Variants in HDGF observed in about 807,000 individuals in gnomAD.
HDGF encodes the protein heparin binding growth factor, also known as hepatoma-derived growth factor.
A neutral mutation model predicts 30.0 loss-of-function variants in HDGF; 5 were observed. The ratio of observed to expected loss-of-function variants is 0.17; its 90% CI spans 0.09 to 0.35. HDGF has a LOEUF of 0.35. Among genes scored for constraint, HDGF ranks in the 10% least tolerant of loss-of-function variants. HDGF has a pLI of 1.00. For missense variants in HDGF, 214 were observed against 302.8 expected, an observed-to-expected ratio of 0.71 and a Z score of 2.18; for synonymous variants, 133 against 112.7, an observed-to-expected ratio of 1.18 and a Z score of -1.14.
chr1:156,752,444 G>T, upstream of HDGF: 1 of 1,284,626 alleles, frequency 7.8e-7, no homozygotes, highest in Non-Finnish European at 1.1e-6. Flanking sequence ...GATGAGCTCA[G>T]TTCTAGTCGG....
chr1:156,747,887 G>T (rs951028044), intron 1 of HDGF, among the ~76,000 whole-genome samples: 5 of 152,192 alleles, frequency 3.3e-5, no homozygotes, highest in African/African-American at 1.2e-4. Flanking sequence ...AGCTTCCCAT[G>T]GAAAGCACAC....
chr1:156,747,235 T>G (rs865878825), intron 1 of HDGF, among the ~76,000 whole-genome samples: 2 of 18,530 alleles, frequency 1.1e-4, no homozygotes, highest in South Asian at 6.3e-3. Flanking sequence ...TGACCGCCCC[T>G]CCCCCCTCCC....
At chr1:156,757,265 C>A, upstream of HDGF, among the ~76,000 whole-genome samples, 1 of 148,788 alleles carries the variant, frequency 6.7e-6, no homozygotes, top group Non-Finnish European at 1.5e-5. Context: ...AAGTTGAAGA[C>A]CAGCCTGACC....
chr1:156,743,597 G>GA, intron 5 of HDGF, 55 bp downstream of exon 5: 1 of 1,554,626 alleles, frequency 6.4e-7, no homozygotes, highest in Non-Finnish European at 8.9e-7. Flanking sequence ...CCTCTTCTCC[G>GA]AGAGTGGCCG....
upstream of HDGF, chr1:156,752,447 C>A: frequency 1.6e-6 from 2 of 1,289,352 alleles, no homozygotes; most frequent in Non-Finnish European, 1.1e-6. Context: ...GAGCTCAGTT[C>A]TAGTCGGTTA....
chr1:156,764,623 C>G (rs1651318935), intron 1 of HDGF, among the ~76,000 whole-genome samples: 1 of 151,848 alleles, frequency 6.6e-6, no homozygotes. Flanking sequence ...GGATTTATAC[C>G]CAATAAGGTG....
At chr1:156,758,623 A>AT (rs1228619097) in intron 2 of HDGF, among the ~76,000 whole-genome samples, 1 of 149,472 alleles carries the variant, frequency 6.7e-6, no homozygotes, top group Admixed American at 6.7e-5. Context: ...AAATAAATAA[A>AT]AAAAATTAGC....
chr1:156,743,636 C>T lies in HDGF; in HGVS notation c.716+16G>A, dbSNP rs773367050. Reference sequence around the variant, plus strand: ...CCCCCTAGTCCAGCTGCCAAGGGGTCAGGGGGCTCACTCACCTCTCATGAT... The same window carrying T: ...CCCCCTAGTCCAGCTGCCAAGGGGTTAGGGGGCTCACTCACCTCTCATGAT... On this transcript the variant is annotated intron_variant, in intron 5 of 5. Transcript: ENST00000357325. 1.9e-6 allele frequency: 3 copies of T among 1,595,672 alleles called. No homozygotes were observed. The highest frequency in any genetic ancestry group is 3.3e-5 in the Admixed American group (2 of 59,954).
In HDGF at chr1:156,743,768, G is replaced by A. The variant is rs758176712; in HGVS notation, c.600C>T (p.Thr200=). 30 of 1,599,464 alleles carry A rather than the reference G, an allele frequency of 1.9e-5. No homozygotes were observed. Among genetic ancestry groups the A allele is most frequent in the Non-Finnish European group, 2.4e-5 (28 of 1,172,852 alleles). The change falls in exon 5 of 6, where the codon ACC becomes ACT. Residue 200 remains threonine (T), a synonymous_variant. Transcript: ENST00000357325. ...CCCGGCCAGAGCCGGGCTCAGAGGG[G>A]GTGCTATTCTTTTCCACCTCCATAG... ...PLPMEVEKNS[T]PSEPGSGRGP...
At chr1:156,760,337 G>A (rs904944218) in intron 1 of HDGF, among the ~76,000 whole-genome samples, 18 of 152,196 alleles carry the variant, frequency 1.2e-4, no homozygotes, top group African/African-American at 2.9e-4. Flanking sequence ...TCAGGGAGGC[G>A]TGTGGGTGAG....
intron 1 of HDGF, among the ~76,000 whole-genome samples, chr1:156,761,083 G>T (rs1651241980): frequency 6.6e-6 from 1 of 150,836 alleles, no homozygotes; most frequent in Admixed American, 6.6e-5. Flanking sequence ...AGTGGAGGTT[G>T]GGGGGGATCA....
chr1:156,742,645 G>C lies in HDGF; in HGVS notation c.*804C>G, dbSNP rs1254141313. On this transcript the variant is annotated 3_prime_UTR_variant, in exon 6 of 6. Coordinates refer to ENST00000357325, the MANE Select transcript of HDGF (RefSeq NM_004494.3). ...TGAGCACTGTGTGGAGAGGAAAAAG[G>C]ACAGCTAGGAGTCTTCCCAAGCATC... is the stretch of plus-strand genomic sequence containing the variant. The C allele has an allele frequency of 6.5e-6, 1 of 153,174 alleles. No individual in the cohort carries two copies. The highest frequency in any genetic ancestry group is 1.5e-5 in the Non-Finnish European group (1 of 68,206). The allele number at this position is 153,174 out of a possible 1,614,324, so 9.5% of individuals were successfully genotyped here. A position where few individuals can be genotyped will look rare whatever the true frequency, so the allele number is the denominator to read the frequency against.
intron 2 of HDGF, among the ~76,000 whole-genome samples, chr1:156,758,548 G>A (rs1208482251): frequency 2.7e-5 from 4 of 148,120 alleles, no homozygotes; most frequent in Admixed American, 6.9e-5. Context: ...AGCTGAGATC[G>A]CGCCACTGCA....
At chr1:156,744,136 C>A in intron 4 of HDGF, 27 bp downstream of exon 4, 1 of 1,606,778 alleles carries the variant, frequency 6.2e-7, no homozygotes, top group Non-Finnish European at 8.5e-7. Flanking sequence ...TTGAGGGGGG[C>A]CCAGGCCCTG....
At chr1:156,751,810 C>G, upstream of HDGF, 1 of 923,136 alleles carries the variant, frequency 1.1e-6, no homozygotes, top group Non-Finnish European at 1.4e-6. This position sits in a 1 kb window ranked among gnomAD's most constrained non-coding sequence, Gnocchi z 4.7. Flanking sequence ...CCTCCCGCGG[C>G]GGTTTGATGC....
rs1456406950 is a variant in HDGF, at chr1:156,751,441, G to A, written c.-12C>T. On this transcript the variant is annotated 5_prime_UTR_variant, in exon 1 of 6. Coordinates refer to ENST00000357325, the MANE Select transcript of HDGF (RefSeq NM_004494.3). The surrounding 1 kb of genome is among the most constrained non-coding windows in gnomAD (Gnocchi z 4.7). ...TTGGATCGCGACATGGCGGGGCTCC[G>A]GGCGCCCCGGGCTCCGCGCCGGGCC... 4 of 1,549,388 alleles carry A rather than the reference G, an allele frequency of 2.6e-6. No homozygotes were observed. Among genetic ancestry groups the A allele is most frequent in the Non-Finnish European group, 3.5e-6 (4 of 1,145,800 alleles).
At position 156,743,897 on chromosome 1, in the gene HDGF, G is replaced by A. The variant is rs1650318008; in HGVS notation, c.490-19C>T. 1.9e-6 allele frequency: 3 copies of A among 1,587,390 alleles called. No individual in the cohort carries two copies. Among genetic ancestry groups the A allele is most frequent in the Non-Finnish European group, 2.6e-6 (3 of 1,155,820 alleles). On this transcript the variant is annotated intron_variant, in intron 4 of 5. Transcript: ENST00000357325. ...GAGAGTCCTAGGCAGGATCAACAGAGGAAGTGGGCTGAGGCTGGAGAGGGA... is the reference window on the plus strand; with the variant it reads ...GAGAGTCCTAGGCAGGATCAACAGAAGAAGTGGGCTGAGGCTGGAGAGGGA...
At chr1:156,761,352 T>A (rs956078684) in intron 1 of HDGF, among the ~76,000 whole-genome samples, 6 of 151,996 alleles carry the variant, frequency 3.9e-5, no homozygotes, top group Non-Finnish European at 8.8e-5. Flanking sequence ...CTCACGCCTG[T>A]AATCCCAGCA....
At chr1:156,753,732 G>A (rs2102733913), upstream of HDGF, among the ~76,000 whole-genome samples, 1 of 151,658 alleles carries the variant, frequency 6.6e-6, no homozygotes, top group South Asian at 2.1e-4. Flanking sequence ...TGTATTTTTA[G>A]TAGAGACGGG....
Sources: gnomAD v4.1 joint callset for allele counts (sites outside exome capture counted in the v4.1 genomes callset) on GRCh38, gnomAD v4.1.1 for gene constraint, Gnocchi (gnomAD v3.1) non-coding constraint, MANE v1.5 for transcripts, NCBI Gene and HGNC (gene_info 2026-07-23, HGNC 2026-07-21) for gene names.